TRIO: variants seen among roughly 807,000 people sequenced by gnomAD.
TRIO encodes trio Rho guanine nucleotide exchange factor, also known as triple functional domain protein.
A neutral mutation model predicts 351.9 loss-of-function variants in TRIO; 58 were observed. That is an observed-to-expected ratio of 0.16 (90% CI 0.13 to 0.21). The LOEUF (loss-of-function observed/expected upper bound fraction) is 0.21. Among genes scored for constraint, TRIO ranks in the 10% least tolerant of loss-of-function variants. TRIO has a pLI of 1.00. For synonymous variants in TRIO, 1,758 were observed against 1,595.7 expected (o/e 1.10, Z -2.42); for missense variants, 3,201 against 4,027.8 (o/e 0.79, Z 5.56).
chr5:14,176,482 A>G lies in TRIO; in HGVS notation c.157+32600A>G, dbSNP rs532739260. ...GAGACTCTGTCTCAAAAAAAAAACA[A>G]CAGAGTCTTGCTCTGTTGCCTAGGC... On this transcript the variant is annotated intron_variant, in intron 1 of 56. Coordinates refer to ENST00000344204, the MANE Select transcript of TRIO (RefSeq NM_007118.4). Among the ~76,000 whole-genome samples, 10 of 152,146 alleles carry G rather than the reference A, an allele frequency of 6.6e-5. No homozygotes were observed. In the South Asian group the frequency reaches 1.9e-3, roughly 28 times the overall value.
intron 33 of TRIO, among the ~76,000 whole-genome samples, chr5:14,410,278 G>A (rs1333587079): frequency 1.3e-5 from 2 of 152,140 alleles, no homozygotes; most frequent in African/African-American, 2.4e-5. Context: ...GTGTGCCTGC[G>A]TTTGTGTGTG....
At chr5:14,405,406 G>A (rs374794769) in intron 31 of TRIO, among the ~76,000 whole-genome samples, 91 of 152,216 alleles carry the variant, frequency 6.0e-4, no homozygotes, top group Non-Finnish European at 1.1e-3. Flanking sequence ...CAGCTGCGCC[G>A]CTGTTCCCTG....
At chr5:14,254,520 T>C (rs1457449651) in intron 1 of TRIO, among the ~76,000 whole-genome samples, 1 of 152,108 alleles carries the variant, frequency 6.6e-6, no homozygotes, top group East Asian at 1.9e-4. Flanking sequence ...CAATGTGCCA[T>C]GTGAGGCGCC....
intron 1 of TRIO, among the ~76,000 whole-genome samples, chr5:14,257,423 G>A (rs1388086412): frequency 1.3e-5 from 2 of 152,028 alleles, no homozygotes; most frequent in Non-Finnish European, 2.9e-5. Flanking sequence ...GTAGTTAGTA[G>A]TCTCTTCCAG....
At chr5:14,501,717 A>G (rs1757311319) in intron 53 of TRIO, among the ~76,000 whole-genome samples, 1 of 152,222 alleles carries the variant, frequency 6.6e-6, no homozygotes, top group African/African-American at 2.4e-5. Flanking sequence ...GCCCACGTGA[A>G]GATAGGGATG....
At chr5:14,415,703 C>A (rs988461566) in intron 33 of TRIO, among the ~76,000 whole-genome samples, 1 of 152,128 alleles carries the variant, frequency 6.6e-6, no homozygotes, top group East Asian at 1.9e-4. Flanking sequence ...TATTTTCAGT[C>A]ATTTTGGAAA....
intron 1 of TRIO, among the ~76,000 whole-genome samples, chr5:14,220,040 C>T (rs1581379812): frequency 2.4e-5 from 3 of 126,290 alleles, no homozygotes; most frequent in Non-Finnish European, 5.0e-5. Flanking sequence ...TCTTCTTCCT[C>T]TTCTTCTTCT....
intron 3 of TRIO, among the ~76,000 whole-genome samples, chr5:14,281,432 C>A (rs533219718): frequency 2.4e-5 from 3 of 126,832 alleles, no homozygotes; most frequent in Middle Eastern, 4.1e-3. Context: ...GAACCCCCCC[C>A]CCCCGCCCCG....
chr5:14,381,513 C>A (rs962219895), intron 21 of TRIO, among the ~76,000 whole-genome samples: 3 of 152,260 alleles, frequency 2.0e-5, no homozygotes. Flanking sequence ...TCCCATTATT[C>A]CCTTCTACAC....
intron 1 of TRIO, among the ~76,000 whole-genome samples, chr5:14,217,093 C>T (rs183850639): frequency 6.0e-4 from 92 of 152,302 alleles, no homozygotes; most frequent in African/African-American, 2.1e-3. Context: ...ATGCCCCATG[C>T]GTCACCGAGT....
rs560171467 is a variant in TRIO at position 14,496,876 on chromosome 5, T to C, written c.7881-3T>C. ...ATACCCACAGTGTGTTCATTTCCCCTAGGAAGTCAACATCTTGGCACACAG... is the reference window on the plus strand; with the variant it reads ...ATACCCACAGTGTGTTCATTTCCCCCAGGAAGTCAACATCTTGGCACACAG... On this transcript the variant is annotated splice_region_variant and splice_polypyrimidine_tract_variant and intron_variant, in intron 49 of 56. Transcript: ENST00000344204. 9.3e-6 allele frequency: 15 copies of C among 1,613,756 alleles called. No individual in the cohort carries two copies. The highest frequency in any genetic ancestry group is 1.3e-5 in the Non-Finnish European group (15 of 1,179,912).
intron 1 of TRIO, among the ~76,000 whole-genome samples, chr5:14,187,947 C>A (rs1334213728): frequency 2.0e-5 from 3 of 152,152 alleles, no homozygotes; most frequent in African/African-American, 7.2e-5. Context: ...ATCTTTATTG[C>A]GTGAGAAGCA....
intron 1 of TRIO, among the ~76,000 whole-genome samples, chr5:14,172,771 G>A (rs957708722): frequency 2.6e-5 from 4 of 152,162 alleles, no homozygotes; most frequent in African/African-American, 9.7e-5. Flanking sequence ...CATCCTTTAC[G>A]GAACATATTT....
intron 18 of TRIO, among the ~76,000 whole-genome samples, chr5:14,371,344 A>G (rs1326734171): frequency 6.6e-6 from 1 of 152,192 alleles, no homozygotes; most frequent in Non-Finnish European, 1.5e-5. Context: ...TGTATAGGAT[A>G]TTTAAGTACC....
In TRIO at chr5:14,336,666, G is replaced by A. The variant is rs2152319357; in HGVS notation, c.1985G>A (p.Arg662His). 6.2e-7 allele frequency: 1 copy of A among 1,614,224 alleles called. No individual in the cohort carries two copies. Among genetic ancestry groups the A allele is most frequent in the Non-Finnish European group, 8.5e-7 (1 of 1,180,042 alleles). ...GACCGGATTCAAGATTTCGTTCGGC[G>A]TGTTGAGCAGCGAAAGATCCTACTG... Reference protein sequence around the residue: ...LEDRIQDFVRRVEQRKILLDM... With the variant: ...LEDRIQDFVRHVEQRKILLDM... Residue 662 changes from arginine to histidine, a missense_variant, in exon 11 of 57, where the codon CGT (arginine) becomes CAT (histidine). By Grantham distance (29) the Arg-to-His change is conservative. Coordinates refer to ENST00000344204, the MANE Select transcript of TRIO (RefSeq NM_007118.4).
Position 14,381,265 on chromosome 5 carries a change from T to G in TRIO, c.3570+13T>G, listed in dbSNP as rs750500596. On this transcript the variant is annotated intron_variant, in intron 21 of 56. Transcript: ENST00000344204. The stretch of plus-strand genomic sequence containing the variant: ...GATAACTGCAAAGGTGGGTTCAGAG[T>G]GTACTTTGTATAGTGGCCTCTAAGT... 1.2e-6 allele frequency: 2 copies of G among 1,601,164 alleles called. No homozygotes were observed. The highest frequency in any genetic ancestry group is 3.5e-5 in the Admixed American group (2 of 56,436).
intron 27 of TRIO, among the ~76,000 whole-genome samples, chr5:14,392,515 T>A (rs1256677125): frequency 6.6e-6 from 1 of 152,212 alleles, no homozygotes. Context: ...TGGAAGACAG[T>A]GTGGCGATTC....
chr5:14,446,347 C>T (rs918256423), intron 34 of TRIO, among the ~76,000 whole-genome samples: 7 of 152,198 alleles, frequency 4.6e-5, no homozygotes, highest in Non-Finnish European at 1.0e-4. Flanking sequence ...AGCAGTTGCT[C>T]CAGCCCTCTT....
At chr5:14,422,626 G>A (rs1298867612) in intron 34 of TRIO, among the ~76,000 whole-genome samples, 1 of 152,196 alleles carries the variant, frequency 6.6e-6, no homozygotes, top group Non-Finnish European at 1.5e-5. Context: ...GGCTAGACTT[G>A]GAAGTCTGTC....
Sources: allele counts gnomAD v4.1 joint callset (sites outside exome capture counted in the v4.1 genomes callset), GRCh38; gene constraint gnomAD v4.1.1; transcripts MANE v1.5; gene names NCBI Gene and HGNC (gene_info 2026-07-23, HGNC 2026-07-21).